The following NYAP2 variants were observed in gnomAD, a reference collection of about 807,000 sequenced individuals.
NYAP2 encodes the protein neuronal tyrosine-phosphorylated phosphoinositide-3-kinase adaptor 2.
In NYAP2, 23 loss-of-function variants were observed where a neutral mutation model predicts 50.4. The observed-to-expected ratio is 0.46, with a 90% CI of 0.33 to 0.65. The LOEUF (loss-of-function observed/expected upper bound fraction) is 0.65, where lower values mean the gene tolerates loss of function less well. Among genes scored for constraint, NYAP2 ranks in the 30% least tolerant of loss-of-function variants. The pLI, the probability that NYAP2 is intolerant of heterozygous loss-of-function variation, is 0.02. For missense variants in NYAP2, 885 were observed against 861.0 expected (o/e 1.03, Z -0.35); for synonymous variants, 394 against 365.2 (o/e 1.08, Z -0.90).
chr2:225,507,916 C>T (rs553880944), intron 3 of NYAP2, among the ~76,000 whole-genome samples: 24 of 152,344 alleles, frequency 1.6e-4, no homozygotes, highest in South Asian at 6.2e-4. Flanking sequence ...AATAATGGCT[C>T]TGGGATAGTC....
chr2:225,680,272 T>TTAAG, the NYAP2 span, among the ~76,000 whole-genome samples: 5 of 152,198 alleles, frequency 3.3e-5, no homozygotes, highest in African/African-American at 1.2e-4. Flanking sequence ...AATGTGTTTC[T>TTAAG]TAAGTTTAGA....
chr2:225,401,933 A>C (rs1694869903), intron 2 of NYAP2, among the ~76,000 whole-genome samples: 1 of 152,072 alleles, frequency 6.6e-6, no homozygotes, highest in Non-Finnish European at 1.5e-5. Flanking sequence ...ATAACCAAGT[A>C]GTGTGGAATA....
chr2:225,408,249 T>C (rs1291764483), intron 2 of NYAP2, among the ~76,000 whole-genome samples: 2 of 152,002 alleles, frequency 1.3e-5, no homozygotes, highest in Non-Finnish European at 2.9e-5. Context: ...ATGTTAGTTG[T>C]AGTATGAAGG....
chr2:225,590,063 C>T (rs1297922148), intron 5 of NYAP2, among the ~76,000 whole-genome samples: 1 of 152,216 alleles, frequency 6.6e-6, no homozygotes, highest in Non-Finnish European at 1.5e-5. Flanking sequence ...GAAGCCACCT[C>T]AGAGGATACC....
At chr2:225,517,481 T>C (rs886928460) in intron 4 of NYAP2, among the ~76,000 whole-genome samples, 1 of 152,202 alleles carries the variant, frequency 6.6e-6, no homozygotes, top group African/African-American at 2.4e-5. Flanking sequence ...CAAAAGAGAC[T>C]GTACTTAGGA....
intron 5 of NYAP2, among the ~76,000 whole-genome samples, chr2:225,626,548 A>G (rs756763382): frequency 6.6e-6 from 1 of 152,242 alleles, no homozygotes; most frequent in Non-Finnish European, 1.5e-5. Context: ...AGGTGATGTT[A>G]TCAGGAGCAG....
intron 4 of NYAP2, among the ~76,000 whole-genome samples, chr2:225,577,740 A>G (rs1692193180): frequency 6.6e-6 from 1 of 152,158 alleles, no homozygotes; most frequent in Non-Finnish European, 1.5e-5. Context: ...TTTACCTCAA[A>G]GAACCTCTGA....
chr2:225,470,844 GTC>G (rs952374767), intron 3 of NYAP2, among the ~76,000 whole-genome samples: 1 of 151,824 alleles, frequency 6.6e-6, no homozygotes, highest in African/African-American at 2.4e-5. Flanking sequence ...TTGAGATGGG[GTC>G]TCTCTATGTT....
At chr2:225,691,819 T>G in the NYAP2 span, among the ~76,000 whole-genome samples, 1 of 152,108 alleles carries the variant, frequency 6.6e-6, no homozygotes, top group Non-Finnish European at 1.5e-5. Flanking sequence ...GAAACTTCCC[T>G]TAAAGGGAAA....
chr2:225,521,801 G>A lies in NYAP2; in HGVS notation c.523+8129G>A, dbSNP rs571738098. ...ATGCTAACCTCATAAAATGAGTTAC[G>A]GAGGATTCCCTCTTTTTCTATTGAT... On this transcript the variant is annotated intron_variant, in intron 4 of 6. Transcript: ENST00000636099. Among the ~76,000 whole-genome samples the A allele has an allele frequency of 2.6e-5, 4 of 152,120 alleles. No homozygotes were observed. The South Asian group carries it at 8.3e-4, about 32-fold the overall frequency.
intron 3 of NYAP2, among the ~76,000 whole-genome samples, chr2:225,477,007 G>C (rs1690124988): frequency 6.6e-6 from 1 of 151,918 alleles, no homozygotes; most frequent in South Asian, 2.1e-4. Context: ...AGCCACCACT[G>C]CCTATGCCTT....
At chr2:225,463,282 C>T (rs1689863221) in intron 3 of NYAP2, among the ~76,000 whole-genome samples, 1 of 152,232 alleles carries the variant, frequency 6.6e-6, no homozygotes, top group East Asian at 1.9e-4. Context: ...CCAGTTTTAT[C>T]TGTGGCATTT....
chr2:225,478,487 A>G (rs114738953), intron 3 of NYAP2, among the ~76,000 whole-genome samples: 2 of 152,206 alleles, frequency 1.3e-5, no homozygotes, highest in African/African-American at 4.8e-5. Context: ...ATGGTCATAA[A>G]TCTTGTGAGT....
intron 5 of NYAP2, among the ~76,000 whole-genome samples, chr2:225,583,999 G>C (rs1402765936): frequency 6.6e-6 from 1 of 152,068 alleles, no homozygotes; most frequent in Non-Finnish European, 1.5e-5. Context: ...CCCAGATCAT[G>C]CCACTGCTCT....
At chr2:225,678,697 A>C in the NYAP2 span, among the ~76,000 whole-genome samples, 2 of 152,152 alleles carry the variant, frequency 1.3e-5, no homozygotes, top group Non-Finnish European at 2.9e-5. Flanking sequence ...TTGCATGATA[A>C]GGTATCAGAT....
At chr2:225,607,514 A>G (rs935238928) in intron 5 of NYAP2, among the ~76,000 whole-genome samples, 19 of 152,272 alleles carry the variant, frequency 1.2e-4, no homozygotes, top group African/African-American at 3.8e-4. Context: ...GACTGACTCT[A>G]GCAGCAAGTC....
chr2:225,449,014 T>C (rs1254763757), intron 3 of NYAP2, among the ~76,000 whole-genome samples: 1 of 152,222 alleles, frequency 6.6e-6, no homozygotes, highest in Non-Finnish European at 1.5e-5. Flanking sequence ...TAGCACCTCA[T>C]TGAATCTTGT....
the NYAP2 span, chr2:225,699,875 C>T: frequency 6.6e-6 from 1 of 151,588 alleles, no homozygotes; most frequent in East Asian, 1.9e-4. Flanking sequence ...AATATTGCCA[C>T]GAATGAATAA....
intron 3 of NYAP2, among the ~76,000 whole-genome samples, chr2:225,482,057 C>G (rs545254729): frequency 6.6e-6 from 1 of 152,144 alleles, no homozygotes; most frequent in Admixed American, 6.5e-5. Flanking sequence ...TTAAATGAAG[C>G]CACAGTATAC....
Sources: allele counts gnomAD v4.1 joint callset (sites outside exome capture counted in the v4.1 genomes callset), GRCh38; gene constraint gnomAD v4.1.1; transcripts MANE v1.5; gene names NCBI Gene and HGNC (gene_info 2026-07-23, HGNC 2026-07-21).